The following RBM33 variants were observed in gnomAD, a reference collection of about 807,000 sequenced individuals.
RBM33 encodes RNA binding motif protein 33, also known as RNA-binding protein 33.
In RBM33, 28 loss-of-function variants were observed where a neutral mutation model predicts 132.6. The observed-to-expected ratio is 0.21, with a 90% CI of 0.16 to 0.29. The LOEUF is 0.29. Ranked by LOEUF, RBM33 falls within the 10% of genes least tolerant of loss-of-function variation. The pLI is 1.00. For synonymous variants in RBM33, 634 were observed against 593.0 expected (o/e 1.07, Z -1.01); for missense variants, 1,291 against 1,518.5 (o/e 0.85, Z 2.49).
chr7:155,645,128 TA>T (rs1168480622), intron 1 of RBM33: 2 of 468,686 alleles, frequency 4.3e-6, no homozygotes, highest in Non-Finnish European at 7.6e-6. Flanking sequence ...AGATCGTACT[TA>T]CCTGTGAACT....
intron 5 of RBM33, among the ~76,000 whole-genome samples, chr7:155,695,741 G>A (rs764268496): frequency 5.9e-5 from 9 of 152,170 alleles, no homozygotes; most frequent in Middle Eastern, 3.2e-3. Flanking sequence ...GATTATAGGC[G>A]TGAGCTACCA....
chr7:155,710,404 A>G (rs1800247407), intron 7 of RBM33, among the ~76,000 whole-genome samples: 1 of 152,212 alleles, frequency 6.6e-6, no homozygotes, highest in Non-Finnish European at 1.5e-5. Context: ...CTGACCGTAT[A>G]GTAGGAACTT....
chr7:155,705,106 T>C (rs1800076977), intron 6 of RBM33, among the ~76,000 whole-genome samples: 1 of 152,252 alleles, frequency 6.6e-6, no homozygotes, highest in South Asian at 2.1e-4. Context: ...GTGTAAACTT[T>C]GTTACATTGA....
intron 7 of RBM33, among the ~76,000 whole-genome samples, chr7:155,708,671 A>G (rs1410611372): frequency 6.6e-6 from 1 of 152,204 alleles, no homozygotes; most frequent in African/African-American, 2.4e-5. Context: ...GTTAGAGCCT[A>G]CTGTGTACTA....
intron 9 of RBM33, among the ~76,000 whole-genome samples, chr7:155,731,280 G>A (rs955010502): frequency 2.0e-5 from 3 of 152,208 alleles, no homozygotes; most frequent in Middle Eastern, 3.2e-3. Flanking sequence ...GGCCAGTGCT[G>A]TGGTGCCCAC....
chr7:155,724,297 G>T (rs1800714264), intron 9 of RBM33, among the ~76,000 whole-genome samples: 1 of 152,316 alleles, frequency 6.6e-6, no homozygotes, highest in East Asian at 1.9e-4. Context: ...GGGAGGCTGA[G>T]GTGGGTGGCT....
chr7:155,781,227 T>C lies in RBM33; in HGVS notation c.*6186T>C. 6.6e-6 allele frequency: 1 copy of C among 152,548 alleles called. No individual in the cohort carries two copies. The allele number at this position is 152,548 out of a possible 1,614,324, so 9.4% of individuals were successfully genotyped here. Reference sequence around the variant, plus strand: ...CGGGAGTGCGTTTCTCTGGGTTTGATCTCCATCCTGTTTTCTCCCAGACAC... The same window carrying C: ...CGGGAGTGCGTTTCTCTGGGTTTGACCTCCATCCTGTTTTCTCCCAGACAC... On this transcript the variant is annotated 3_prime_UTR_variant, in exon 18 of 18. Coordinates refer to ENST00000401878, the MANE Select transcript of RBM33 (RefSeq NM_053043.3).
chr7:155,698,232 TG>T (rs1270405120), intron 5 of RBM33, among the ~76,000 whole-genome samples: 7 of 152,056 alleles, frequency 4.6e-5, no homozygotes, highest in Non-Finnish European at 8.8e-5. Context: ...CCTGGCGTGG[TG>T]GTGGACGCCT....
intron 13 of RBM33, among the ~76,000 whole-genome samples, chr7:155,744,394 C>T (rs529602539): frequency 5.3e-5 from 8 of 152,218 alleles, no homozygotes; most frequent in African/African-American, 1.7e-4. Context: ...CATTAATATT[C>T]CAATACTGCA....
chr7:155,724,846 C>T (rs947601069), intron 9 of RBM33, among the ~76,000 whole-genome samples: 1 of 152,146 alleles, frequency 6.6e-6, no homozygotes, highest in African/African-American at 2.4e-5. Context: ...CTGCACCAGT[C>T]AGTAGTTTGT....
intron 8 of RBM33, among the ~76,000 whole-genome samples, chr7:155,718,069 G>A (rs1390636740): frequency 6.6e-6 from 1 of 152,114 alleles, no homozygotes; most frequent in East Asian, 1.9e-4. Context: ...ATAGGGATAG[G>A]AGAAACAAAC....
chr7:155,764,958 C>T (rs1386473267), intron 15 of RBM33, among the ~76,000 whole-genome samples: 1 of 152,208 alleles, frequency 6.6e-6, no homozygotes, highest in Non-Finnish European at 1.5e-5. Flanking sequence ...GATGTGTAGA[C>T]AGATTCAGTG....
chr7:155,726,099 G>A (rs1800787997), intron 9 of RBM33, among the ~76,000 whole-genome samples: 1 of 152,296 alleles, frequency 6.6e-6, no homozygotes, highest in Non-Finnish European at 1.5e-5. Context: ...GTGTTCTTAA[G>A]TGTCAATTGG....
chr7:155,758,570 G>A (rs1801927090), intron 14 of RBM33, among the ~76,000 whole-genome samples: 1 of 152,210 alleles, frequency 6.6e-6, no homozygotes, highest in Non-Finnish European at 1.5e-5. Flanking sequence ...CTCCTGCGGT[G>A]CATGCAGCTC....
chr7:155,736,368 A>G (rs1489157648), intron 9 of RBM33, among the ~76,000 whole-genome samples: 2 of 152,258 alleles, frequency 1.3e-5, no homozygotes, highest in Non-Finnish European at 2.9e-5. Flanking sequence ...AGGTGCTATT[A>G]AATGAAAATT....
chr7:155,711,324 A>G lies in RBM33; in HGVS notation c.1070A>G (p.Gln357Arg), dbSNP rs1446928737. 1 of 1,606,168 alleles carries G rather than the reference A, an allele frequency of 6.2e-7. No homozygotes were observed. The highest frequency in any genetic ancestry group is 8.5e-7 in the Non-Finnish European group (1 of 1,176,692). Reference protein sequence around the residue: ...VQHPHHPSPPQGMHMPPQLET... With the variant: ...VQHPHHPSPPRGMHMPPQLET... The stretch of plus-strand genomic sequence containing the variant: ...CACCCGCACCACCCATCCCCGCCTC[A>G]GGGAATGCACATGCCTCCCCAGCTA... Residue 357 changes from glutamine (Q) to arginine (R), a missense_variant, in exon 8 of 18, where the codon CAG becomes CGG. Gln to Arg is a conservative substitution (Grantham distance 43). This residue lies in a region of RBM33 where 146 missense variants were observed against 137.1 expected (regional missense o/e 1.07). Transcript: ENST00000401878.
chr7:155,724,990 T>TTTTGTGTGTGTGTGTG (rs71186056), intron 9 of RBM33, among the ~76,000 whole-genome samples: 1 of 123,290 alleles, frequency 8.1e-6, no homozygotes, highest in East Asian at 2.3e-4. Context: ...GTGTACAGGT[T>TTTTGTGTGTGTGTGTG]TGTGTGTGTG....
chr7:155,669,837 G>A (rs7782350), intron 2 of RBM33, among the ~76,000 whole-genome samples: 102,647 of 151,956 alleles, frequency 0.68, 35,082 homozygotes, highest in South Asian at 0.77. Flanking sequence ...TCAGGTGAGA[G>A]GGGAGGGGCC....
At chr7:155,673,403 TGTG>T (rs754725438) in intron 3 of RBM33, among the ~76,000 whole-genome samples, 974 of 3,556 alleles carry the variant, frequency 0.27, 6 homozygotes, top group Non-Finnish European at 0.41. Flanking sequence ...TTATATATAT[TGTG>T]TGTGTGTGTG....
Sources: gnomAD v4.1 joint callset for allele counts (sites outside exome capture counted in the v4.1 genomes callset) on GRCh38, gnomAD v4.1.1 for gene constraint, gnomAD v4.1.1 regional missense constraint, MANE v1.5 for transcripts, NCBI Gene and HGNC (gene_info 2026-07-23, HGNC 2026-07-21) for gene names.